Variants in KRABD5 observed in about 807,000 individuals in gnomAD.
KRABD5 encodes KRAB domain containing 5, also known as KRAB domain-containing protein 5.
At chr16:31,714,217 A>G in the KRABD5 span, 1 of 387,312 alleles carries the variant, frequency 2.6e-6, no homozygotes, top group East Asian at 7.2e-5. Flanking sequence ...ATGATCTGCT[A>G]TTATGGAAAT....
chr16:31,759,616 G>A, the KRABD5 span: 12 of 475,334 alleles, frequency 2.5e-5, no homozygotes, highest in Non-Finnish European at 4.7e-5. Flanking sequence ...AGCAGAAGTG[G>A]TACATGATTA....
chr16:31,713,516 C>G, the KRABD5 span: 3 of 1,527,866 alleles, frequency 2.0e-6, no homozygotes, highest in African/African-American at 1.4e-5. Flanking sequence ...AGGTTAGCTT[C>G]GGGGTCTGGG....
chr16:31,720,551 C>T, the KRABD5 span, among the ~76,000 whole-genome samples: 2 of 152,164 alleles, frequency 1.3e-5, no homozygotes, highest in Non-Finnish European at 2.9e-5. Flanking sequence ...AATATGGCCA[C>T]CTGTATGTTC....
chr16:31,734,248 T>G, the KRABD5 span, among the ~76,000 whole-genome samples: 4 of 151,960 alleles, frequency 2.6e-5, no homozygotes, highest in Non-Finnish European at 5.9e-5. Context: ...TTTTTTTTTT[T>G]TTTAGCTTTT....
the KRABD5 span, among the ~76,000 whole-genome samples, chr16:31,723,069 G>T: frequency 4.6e-5 from 7 of 152,244 alleles, no homozygotes; most frequent in South Asian, 1.2e-3. Context: ...AGTCATACTT[G>T]GAAGTGAAGC....
the KRABD5 span, chr16:31,759,285 T>G: frequency 1.3e-6 from 2 of 1,485,532 alleles, no homozygotes; most frequent in South Asian, 2.5e-5. Context: ...CTGGATAAAA[T>G]TCATAAACCT....
chr16:31,723,081 C>T, the KRABD5 span, among the ~76,000 whole-genome samples: 1 of 152,176 alleles, frequency 6.6e-6, no homozygotes, highest in African/African-American at 2.4e-5. Context: ...AAGTGAAGCT[C>T]AGGATTCCTG....
chr16:31,728,756 G>A, the KRABD5 span, among the ~76,000 whole-genome samples: 2 of 152,102 alleles, frequency 1.3e-5, no homozygotes, highest in African/African-American at 4.8e-5. Context: ...TGTATTCTTA[G>A]AAGACTGTAT....
the KRABD5 span, among the ~76,000 whole-genome samples, chr16:31,745,862 C>T: frequency 6.6e-6 from 1 of 152,088 alleles, no homozygotes; most frequent in Non-Finnish European, 1.5e-5. Flanking sequence ...GTTCCCTTTA[C>T]CATTATGTAA....
At chr16:31,714,256 G>A in the KRABD5 span, 2 of 412,442 alleles carry the variant, frequency 4.8e-6, no homozygotes, top group Admixed American at 2.9e-5. Flanking sequence ...TTGCTCGAAA[G>A]AGGTATTTTG....
At chr16:31,741,590 G>T in the KRABD5 span, among the ~76,000 whole-genome samples, 23 of 152,062 alleles carry the variant, frequency 1.5e-4, no homozygotes, top group Non-Finnish European at 2.5e-4. Context: ...ATGCTTGATG[G>T]CTGCTTGTAT....
chr16:31,725,314 C>T, the KRABD5 span, among the ~76,000 whole-genome samples: 2 of 152,220 alleles, frequency 1.3e-5, no homozygotes, highest in East Asian at 3.9e-4. Flanking sequence ...GACGGGGTTT[C>T]GCCATGTTGG....
the KRABD5 span, among the ~76,000 whole-genome samples, chr16:31,733,258 C>T: frequency 6.6e-6 from 1 of 151,878 alleles, no homozygotes; most frequent in Non-Finnish European, 1.5e-5. Flanking sequence ...TTTATTCTGT[C>T]TAGATGAGTA....
the KRABD5 span, among the ~76,000 whole-genome samples, chr16:31,740,764 A>T: frequency 6.6e-6 from 1 of 151,636 alleles, no homozygotes; most frequent in Non-Finnish European, 1.5e-5. Flanking sequence ...GTACCAGTGT[A>T]CTCCAGTCTG....
the KRABD5 span, among the ~76,000 whole-genome samples, chr16:31,721,388 A>G: frequency 6.6e-6 from 1 of 151,852 alleles, no homozygotes; most frequent in Non-Finnish European, 1.5e-5. Flanking sequence ...ATTCTTTTTT[A>G]CTTATCTCTG....
At chr16:31,736,811 C>T in the KRABD5 span, among the ~76,000 whole-genome samples, 9 of 152,052 alleles carry the variant, frequency 5.9e-5, no homozygotes, top group South Asian at 2.1e-4. Flanking sequence ...TGAGCCACTG[C>T]GCCTGGCCCA....
the KRABD5 span, among the ~76,000 whole-genome samples, chr16:31,713,908 G>C: frequency 6.6e-6 from 1 of 152,226 alleles, no homozygotes; most frequent in Non-Finnish European, 1.5e-5. Flanking sequence ...AGGGTCCTCT[G>C]GAGCAGCGAT....
At chr16:31,713,520 G>T in the KRABD5 span, 1 of 1,514,246 alleles carries the variant, frequency 6.6e-7, no homozygotes. Context: ...TAGCTTCGGG[G>T]TCTGGGCCCT....
chr16:31,723,153 A>C, the KRABD5 span: 1 of 1,261,724 alleles, frequency 7.9e-7, no homozygotes, highest in Non-Finnish European at 1.1e-6. Flanking sequence ...TGGGGAAGTA[A>C]TTTTCTAGGA....
Sources: gnomAD v4.1 joint callset for allele counts (sites outside exome capture counted in the v4.1 genomes callset) on GRCh38, gnomAD v4.1.1 for gene constraint, MANE v1.5 for transcripts, NCBI Gene and HGNC (gene_info 2026-07-23, HGNC 2026-07-21) for gene names.